HDAC9: variants seen among roughly 807,000 people sequenced by gnomAD.
HDAC9 encodes the protein histone deacetylase 9, also known as MEF-2 interacting transcription repressor (MITR) protein.
In HDAC9, 41 loss-of-function variants were observed where a neutral mutation model predicts 139.4. The ratio of observed to expected loss-of-function variants is 0.29; its 90% CI spans 0.23 to 0.38. HDAC9 has a LOEUF of 0.38. Ranked by LOEUF, HDAC9 falls within the 10% of genes least tolerant of loss-of-function variation. HDAC9 has a pLI of 1.00. For synonymous variants in HDAC9, 517 were observed against 476.2 expected, an observed-to-expected ratio of 1.09 and a Z score of -1.12; for missense variants, 1,147 against 1,297.0, an observed-to-expected ratio of 0.88 and a Z score of 1.78.
chr7:18,215,471 G>A (rs557753680), intron 2 of HDAC9, among the ~76,000 whole-genome samples: 27 of 152,302 alleles, frequency 1.8e-4, no homozygotes, highest in African/African-American at 6.5e-4. Flanking sequence ...TTTGCCAAAT[G>A]TATCCATGTT....
chr7:18,674,770 C>G (rs780560787), intron 12 of HDAC9, among the ~76,000 whole-genome samples: 14 of 151,844 alleles, frequency 9.2e-5, no homozygotes, highest in Admixed American at 3.3e-4. Context: ...TATTTCTTGT[C>G]CTCAGTGTCC....
At chr7:18,519,881 A>G (rs1338851670) in intron 2 of HDAC9, among the ~76,000 whole-genome samples, 1 of 152,150 alleles carries the variant, frequency 6.6e-6, no homozygotes, top group African/African-American at 2.4e-5. Flanking sequence ...TCTGAAATAC[A>G]AGTCATTAAA....
intron 1 of HDAC9, among the ~76,000 whole-genome samples, chr7:18,099,399 T>C (rs1470621793): frequency 6.6e-6 from 1 of 151,704 alleles, no homozygotes; most frequent in Non-Finnish European, 1.5e-5. Context: ...ACCCTGGAGG[T>C]GGAGGTTGCA....
intron 1 of HDAC9, among the ~76,000 whole-genome samples, chr7:18,418,332 A>AT (rs1477535224): frequency 6.8e-6 from 1 of 147,330 alleles, no homozygotes; most frequent in Non-Finnish European, 1.5e-5. Flanking sequence ...AAATCCTAGT[A>AT]TTTTTTCTAT....
chr7:18,526,058 G>A (rs1185295677), intron 2 of HDAC9, among the ~76,000 whole-genome samples: 1 of 152,092 alleles, frequency 6.6e-6, no homozygotes, highest in African/African-American at 2.4e-5. Flanking sequence ...TACTTTTTAG[G>A]GGTACATAAA....
chr7:18,538,253 C>A (rs1345162533), intron 2 of HDAC9, among the ~76,000 whole-genome samples: 2 of 152,106 alleles, frequency 1.3e-5, no homozygotes, highest in East Asian at 1.9e-4. Flanking sequence ...GTCTGGTATC[C>A]TACTAGTGAC....
At chr7:18,292,776 G>A (rs1204869087) in intron 1 of HDAC9, among the ~76,000 whole-genome samples, 1 of 152,094 alleles carries the variant, frequency 6.6e-6, no homozygotes, top group Non-Finnish European at 1.5e-5. Context: ...TTGATGCGCT[G>A]CAGAAATAAA....
At chr7:18,666,151 A>G (rs1275205319) in intron 11 of HDAC9, 62 bp from the exon 12 acceptor site, 1 of 1,478,800 alleles carries the variant, frequency 6.8e-7, no homozygotes, top group African/African-American at 1.4e-5. Flanking sequence ...TCAAAGTGTA[A>G]TTTGCTTCTC....
intron 6 of HDAC9, among the ~76,000 whole-genome samples, chr7:18,601,647 C>A (rs1833979541): frequency 6.6e-6 from 1 of 152,036 alleles, no homozygotes; most frequent in Non-Finnish European, 1.5e-5. Context: ...TCAGGAGTTC[C>A]CTCTATTCCT....
chr7:18,308,185 A>C (rs1799057566), intron 1 of HDAC9, among the ~76,000 whole-genome samples: 1 of 152,210 alleles, frequency 6.6e-6, no homozygotes, highest in South Asian at 2.1e-4. Context: ...ATTGTTAAAG[A>C]CTTCATCCAA....
chr7:18,588,307 C>A (rs1198279827), intron 3 of HDAC9, among the ~76,000 whole-genome samples: 1 of 152,064 alleles, frequency 6.6e-6, no homozygotes, highest in Non-Finnish European at 1.5e-5. Context: ...TTGAAAGTTA[C>A]AAACACATGT....
intron 25 of HDAC9, among the ~76,000 whole-genome samples, chr7:18,990,639 C>A (rs1002474388): frequency 1.3e-5 from 2 of 152,238 alleles, no homozygotes; most frequent in Non-Finnish European, 2.9e-5. Flanking sequence ...GGGCGCCCCT[C>A]CCCCAGCCTG....
intron 2 of HDAC9, among the ~76,000 whole-genome samples, chr7:18,542,128 C>T (rs190475601): frequency 9.0e-4 from 137 of 152,184 alleles, no homozygotes; most frequent in Non-Finnish European, 1.3e-3. Context: ...CATAAGACCC[C>T]GGGGCAATAA....
chr7:18,628,327 A>G (rs1314059383), intron 6 of HDAC9, among the ~76,000 whole-genome samples: 1 of 152,120 alleles, frequency 6.6e-6, no homozygotes, highest in African/African-American at 2.4e-5. Context: ...TGGTTTCCTC[A>G]TTGATCTAAT....
rs566344570 is a variant in HDAC9, at chr7:18,257,657, TA to T, written c.25+95310del. Among the ~76,000 whole-genome samples the T allele has an allele frequency of 5.7e-4, 87 of 152,302 alleles. 1 individual carries two copies. The highest frequency in any genetic ancestry group is 1.9e-3 in the African/African-American group (77 of 41,578). ...TACTCAGAAAGAGCACAACCCTTCC[TA>T]ATACCAACTCTAGGCAGAAATAAAT... On this transcript the variant is annotated intron_variant, in intron 2 of 12. Transcript: ENST00000417496.
intron 25 of HDAC9, among the ~76,000 whole-genome samples, chr7:18,984,996 T>C (rs956201474): frequency 3.9e-5 from 6 of 152,222 alleles, no homozygotes; most frequent in African/African-American, 1.4e-4. Context: ...ATCACACATT[T>C]AGGTGTAGAA....
intron 1 of HDAC9, among the ~76,000 whole-genome samples, chr7:18,433,798 A>C (rs146336797): frequency 9.8e-4 from 149 of 152,368 alleles, no homozygotes; most frequent in African/African-American, 3.5e-3. Flanking sequence ...AAAGCATTCC[A>C]TGCTCATTGA....
At chr7:18,981,250 G>A (rs1394552484) in intron 25 of HDAC9, among the ~76,000 whole-genome samples, 6 of 152,082 alleles carry the variant, frequency 3.9e-5, no homozygotes, top group African/African-American at 1.4e-4. Context: ...CCTCCAACCA[G>A]CAGAATGAGG....
At chr7:18,764,467 T>G (rs1789653332) in intron 15 of HDAC9, among the ~76,000 whole-genome samples, 2 of 152,128 alleles carry the variant, frequency 1.3e-5, no homozygotes, top group South Asian at 4.1e-4. Context: ...GTATCAACAC[T>G]TCAAAACTAC....
Sources: gnomAD v4.1 joint callset for allele counts (sites outside exome capture counted in the v4.1 genomes callset) on GRCh38, gnomAD v4.1.1 for gene constraint, MANE v1.5 for transcripts, NCBI Gene and HGNC (gene_info 2026-07-23, HGNC 2026-07-21) for gene names.